ANKS1B: variants seen among roughly 807,000 people sequenced by gnomAD.
ANKS1B encodes the protein ankyrin repeat and sterile alpha motif domain-containing protein 1B.
A neutral mutation model predicts 148.3 loss-of-function variants in ANKS1B; 36 were observed. The observed-to-expected ratio is 0.24, with a 90% CI of 0.19 to 0.32. The LOEUF (loss-of-function observed/expected upper bound fraction) is 0.32, where lower values mean the gene tolerates loss of function less well. ANKS1B is among the 10% of genes least tolerant of loss of function. The pLI is 1.00. For missense variants in ANKS1B, 1,157 were observed against 1,542.6 expected, an observed-to-expected ratio of 0.75 and a Z score of 4.19; for synonymous variants, 542 against 560.8, an observed-to-expected ratio of 0.97 and a Z score of 0.47.
At chr12:99,305,245 A>T (rs928624584) in intron 12 of ANKS1B, among the ~76,000 whole-genome samples, 1 of 152,130 alleles carries the variant, frequency 6.6e-6, no homozygotes, top group African/African-American at 2.4e-5. Flanking sequence ...CCCCATCTCC[A>T]ACATTGGGGA....
At position 99,013,757 on chromosome 12, in the gene ANKS1B, C is replaced by T. The variant is rs901063054; in HGVS notation, c.2778+39400G>A. On this transcript the variant is annotated intron_variant, in intron 17 of 26. Transcript: ENST00000683438. ...GAGCCAAATCATGAACTCTCATTCACGACTGCCACAAAAAGAATAAAATAC... is the reference window on the plus strand; with the variant it reads ...GAGCCAAATCATGAACTCTCATTCATGACTGCCACAAAAAGAATAAAATAC... 9.9e-5 allele frequency among the ~76,000 whole-genome samples: 15 copies of T among 152,176 alleles called. 1 individual carries two copies. Among genetic ancestry groups the T allele is most frequent in the African/African-American group, 3.1e-4 (13 of 41,520 alleles).
chr12:99,343,335 C>G (rs1458857539), intron 12 of ANKS1B, among the ~76,000 whole-genome samples: 1 of 152,168 alleles, frequency 6.6e-6, no homozygotes, highest in Non-Finnish European at 1.5e-5. Context: ...GTTTATTTCT[C>G]TATTATTTGA....
At chr12:99,270,982 A>G (rs565173947) in intron 12 of ANKS1B, among the ~76,000 whole-genome samples, 2 of 152,350 alleles carry the variant, frequency 1.3e-5, no homozygotes, top group African/African-American at 4.8e-5. Flanking sequence ...ACATGGAAAA[A>G]TTAATGAATG....
chr12:99,779,911 A>C lies in ANKS1B; in HGVS notation c.807T>G (p.His269Gln), dbSNP rs753864099. Residue 269 changes from histidine (H) to glutamine (Q), a missense_variant, in exon 6 of 27, where the codon CAT (histidine) becomes CAG (glutamine). Physicochemically the swap from His to Gln is conservative, Grantham distance 24. Coordinates refer to ENST00000683438, the MANE Select transcript of ANKS1B (RefSeq NM_001352186.2). ...GRTVLDILKE[H>Q]PSQKSLQIAT... Reference sequence around the variant, plus strand: ...CAATCTGGAGAGATTTCTGAGATGGATGTTCTTTCAGAATGTCCAAGACAG... The same window carrying C: ...CAATCTGGAGAGATTTCTGAGATGGCTGTTCTTTCAGAATGTCCAAGACAG... The C allele has an allele frequency of 6.2e-7, 1 of 1,612,720 alleles. No individual in the cohort carries two copies. Among genetic ancestry groups the C allele is most frequent in the Non-Finnish European group, 8.5e-7 (1 of 1,179,550 alleles).
chr12:99,180,747 A>C (rs1267664131), intron 14 of ANKS1B, among the ~76,000 whole-genome samples: 1 of 151,990 alleles, frequency 6.6e-6, no homozygotes, highest in Non-Finnish European at 1.5e-5. Context: ...CAGGGGTCCA[A>C]ACACAAAACC....
intron 9 of ANKS1B, among the ~76,000 whole-genome samples, chr12:99,535,621 G>A (rs992926230): frequency 2.0e-5 from 3 of 151,972 alleles, no homozygotes; most frequent in Admixed American, 2.0e-4. Context: ...TGTATGCCAA[G>A]GCTCTACTTT....
chr12:99,209,460 G>A (rs1601696725), intron 14 of ANKS1B, among the ~76,000 whole-genome samples: 1 of 152,134 alleles, frequency 6.6e-6, no homozygotes, highest in Non-Finnish European at 1.5e-5. Flanking sequence ...ACTGGATCCT[G>A]AATTTGTCTA....
At chr12:99,648,822 A>T in intron 9 of ANKS1B, 2 of 1,584,078 alleles carry the variant, frequency 1.3e-6, no homozygotes, top group East Asian at 2.3e-5. Flanking sequence ...TGGGGCCTGG[A>T]TGCTTTGGGG....
chr12:99,557,018 G>T (rs2097283752), intron 9 of ANKS1B, among the ~76,000 whole-genome samples: 1 of 152,138 alleles, frequency 6.6e-6, no homozygotes, highest in Non-Finnish European at 1.5e-5. Context: ...CTGTCTCAAT[G>T]GTACAACACT....
chr12:99,772,729 C>T, intron 8 of ANKS1B, 193 bp downstream of exon 8: 1 of 427,156 alleles, frequency 2.3e-6, no homozygotes, highest in Non-Finnish European at 4.1e-6. Context: ...ATGAAGTGAT[C>T]TGTCAAAGCA....
At chr12:99,104,733 T>C (rs751479590) in intron 15 of ANKS1B, 2 of 152,264 alleles carry the variant, frequency 1.3e-5, no homozygotes, top group African/African-American at 2.4e-5. Flanking sequence ...CTGGAATTCT[T>C]CCTCTCTCTC....
intron 16 of ANKS1B, among the ~76,000 whole-genome samples, chr12:99,082,974 T>A (rs1192683208): frequency 1.3e-5 from 2 of 152,074 alleles, no homozygotes; most frequent in Non-Finnish European, 2.9e-5. Flanking sequence ...AAGGTAATAT[T>A]TTAAGTAAAC....
intron 8 of ANKS1B, among the ~76,000 whole-genome samples, chr12:99,691,404 A>C (rs907446841): frequency 6.6e-6 from 1 of 152,102 alleles, no homozygotes; most frequent in African/African-American, 2.4e-5. Flanking sequence ...TCAGGCTGCA[A>C]ATTTTTCAAA....
At chr12:99,369,162 G>A (rs2092946235) in intron 12 of ANKS1B, among the ~76,000 whole-genome samples, 3 of 152,246 alleles carry the variant, frequency 2.0e-5, no homozygotes, top group Admixed American at 1.3e-4. Context: ...CCAATAGAGC[G>A]AAGCCTGATA....
intron 12 of ANKS1B, among the ~76,000 whole-genome samples, chr12:99,338,759 T>C (rs2089410738): frequency 6.6e-6 from 1 of 152,140 alleles, no homozygotes. Flanking sequence ...GCCTGGATGA[T>C]GTCCTTCCCT....
chr12:98,972,417 G>C (rs1266318590), intron 17 of ANKS1B, among the ~76,000 whole-genome samples: 1 of 152,080 alleles, frequency 6.6e-6, no homozygotes, highest in Admixed American at 6.6e-5. Flanking sequence ...TCAGTGTCAG[G>C]CCTATACATT....
intron 17 of ANKS1B, among the ~76,000 whole-genome samples, chr12:98,866,754 T>C (rs951958325): frequency 1.2e-4 from 18 of 152,276 alleles, no homozygotes; most frequent in African/African-American, 4.3e-4. Flanking sequence ...CTATACAACA[T>C]TGCTTCCTGC....
intron 17 of ANKS1B, among the ~76,000 whole-genome samples, chr12:98,977,725 G>A (rs1379970789): frequency 6.6e-6 from 1 of 152,082 alleles, no homozygotes; most frequent in African/African-American, 2.4e-5. Flanking sequence ...GTAGAAAATA[G>A]GGAATCAAAG....
intron 14 of ANKS1B, among the ~76,000 whole-genome samples, chr12:99,155,357 T>C (rs1269033937): frequency 1.3e-5 from 2 of 152,306 alleles, no homozygotes; most frequent in African/African-American, 2.4e-5. Context: ...TTTGAAATAC[T>C]GCAAAATACA....
Sources: gnomAD v4.1 joint callset for allele counts (sites outside exome capture counted in the v4.1 genomes callset) on GRCh38, gnomAD v4.1.1 for gene constraint, MANE v1.5 for transcripts, NCBI Gene and HGNC (gene_info 2026-07-23, HGNC 2026-07-21) for gene names.